Variants in LRRTM4 observed in about 807,000 individuals in gnomAD.
LRRTM4 encodes the protein leucine-rich repeat transmembrane neuronal protein 4.
LRRTM4 carries 25 observed loss-of-function variants against 47.6 expected under a neutral mutation model. That is an observed-to-expected ratio of 0.53 (90% CI 0.38 to 0.73). LRRTM4 has a LOEUF of 0.73. Ranked by LOEUF, LRRTM4 falls within the 30% of genes least tolerant of loss-of-function variation. The pLI is 0.00. For synonymous variants in LRRTM4, 311 were observed against 269.5 expected, an observed-to-expected ratio of 1.15 and a Z score of -1.51; for missense variants, 638 against 713.4, an observed-to-expected ratio of 0.89 and a Z score of 1.20.
At chr2:76,779,066 T>C (rs371821625) in intron 3 of LRRTM4, among the ~76,000 whole-genome samples, 221 of 136,744 alleles carry the variant, frequency 1.6e-3, no homozygotes, top group Non-Finnish European at 2.8e-3. Context: ...TGTAGTTGAG[T>C]GGTTTTGAGT....
At chr2:76,802,572 C>T (rs1200030354) in intron 3 of LRRTM4, among the ~76,000 whole-genome samples, 1 of 152,024 alleles carries the variant, frequency 6.6e-6, no homozygotes, top group Non-Finnish European at 1.5e-5. Flanking sequence ...TCCCTATCAA[C>T]ATTCCAATGG....
At chr2:76,789,019 T>G (rs142509025) in intron 3 of LRRTM4, among the ~76,000 whole-genome samples, 1 of 152,154 alleles carries the variant, frequency 6.6e-6, no homozygotes, top group African/African-American at 2.4e-5. Flanking sequence ...AGCTAATGCT[T>G]GGCACCCTGC....
intron 3 of LRRTM4, among the ~76,000 whole-genome samples, chr2:77,088,591 A>G (rs58720566): frequency 0.029 from 4,487 of 152,186 alleles, 211 homozygotes; most frequent in African/African-American, 0.1. Context: ...TTTCGGACTC[A>G]GCCCGCCTGC....
rs545437091 is a variant in LRRTM4, at chr2:77,347,157, T to C, written c.1551+171161A>G. Among the ~76,000 whole-genome samples, 7 of 152,260 alleles carry C rather than the reference T, an allele frequency of 4.6e-5. No homozygotes were observed. In the South Asian group the frequency reaches 1.0e-3, roughly 22 times the overall value. ...CCTTGACAAAAGACCGTAACTCCTA[T>C]CAAGTGGCTAAACCTTAAAGCGATA... On this transcript the variant is annotated intron_variant, in intron 3 of 3. Coordinates refer to ENST00000409884, the MANE Select transcript of LRRTM4 (RefSeq NM_001134745.3).
At chr2:76,805,169 A>G (rs933498598) in intron 3 of LRRTM4, among the ~76,000 whole-genome samples, 11 of 152,204 alleles carry the variant, frequency 7.2e-5, no homozygotes, top group African/African-American at 2.7e-4. Flanking sequence ...TGGATGGTCT[A>G]TAATTTTAAT....
At chr2:77,269,184 G>C (rs1374489991) in intron 3 of LRRTM4, among the ~76,000 whole-genome samples, 1 of 151,664 alleles carries the variant, frequency 6.6e-6, no homozygotes, top group African/African-American at 2.4e-5. Context: ...TTAATAAACT[G>C]GTATTTATTT....
At chr2:77,217,013 C>T (rs930831894) in intron 3 of LRRTM4, among the ~76,000 whole-genome samples, 38 of 147,146 alleles carry the variant, frequency 2.6e-4, no homozygotes, top group African/African-American at 9.1e-4. Flanking sequence ...GCAGAGGTTG[C>T]GGTGAGCCGA....
intron 3 of LRRTM4, among the ~76,000 whole-genome samples, chr2:77,387,545 C>CT (rs1199402647): frequency 2.6e-5 from 4 of 152,190 alleles, no homozygotes; most frequent in African/African-American, 9.6e-5. Flanking sequence ...AGTTGGCCTA[C>CT]TTTGCATTAC....
intron 3 of LRRTM4, among the ~76,000 whole-genome samples, chr2:76,768,672 G>A (rs1471752399): frequency 1.3e-5 from 2 of 151,892 alleles, no homozygotes; most frequent in African/African-American, 2.4e-5. Flanking sequence ...TCCTCTTATA[G>A]GTACAAATAT....
chr2:77,466,943 C>A (rs1199488358), intron 3 of LRRTM4, among the ~76,000 whole-genome samples: 1 of 152,010 alleles, frequency 6.6e-6, no homozygotes, highest in East Asian at 1.9e-4. Flanking sequence ...AAGTGATCCA[C>A]CTGCCTTAGC....
At position 76,998,772 on chromosome 2, in the gene LRRTM4, T is replaced by G. The variant is rs538044625; in HGVS notation, c.1552-249856A>C. Among the ~76,000 whole-genome samples the G allele has an allele frequency of 1.5e-4, 22 of 151,540 alleles. No individual in the cohort carries two copies. The South Asian group carries it at 4.2e-3, about 29-fold the overall frequency. ...CAGTTTTTCCTCTATATTTTCTGTT[T>G]TTTTTTTTTTTCCTTAACATCAGGC... is the stretch of plus-strand genomic sequence containing the variant. On this transcript the variant is annotated intron_variant, in intron 3 of 3. Transcript: ENST00000409884.
chr2:77,057,753 CAAG>C (rs1322147082), intron 3 of LRRTM4, among the ~76,000 whole-genome samples: 1 of 152,048 alleles, frequency 6.6e-6, no homozygotes, highest in Non-Finnish European at 1.5e-5. Flanking sequence ...CACCTAGAGT[CAAG>C]AAGAACTGAG....
chr2:77,161,139 C>T (rs974693292), intron 3 of LRRTM4, among the ~76,000 whole-genome samples: 11 of 152,130 alleles, frequency 7.2e-5, no homozygotes, highest in African/African-American at 9.7e-5. Context: ...CATAGTTAAA[C>T]GATAACCCAG....
At chr2:77,086,698 C>G (rs1012004460) in intron 3 of LRRTM4, among the ~76,000 whole-genome samples, 3 of 151,886 alleles carry the variant, frequency 2.0e-5, no homozygotes, top group Non-Finnish European at 4.4e-5. Flanking sequence ...TTTCACCACA[C>G]TGGCCAGGCT....
intron 3 of LRRTM4, among the ~76,000 whole-genome samples, chr2:77,290,719 A>G (rs370153182): frequency 6.6e-6 from 1 of 151,942 alleles, no homozygotes; most frequent in South Asian, 2.1e-4. Flanking sequence ...ATTAAGTCCA[A>G]CCTCTAGGAT....
At chr2:77,165,247 C>T (rs1482041632) in intron 3 of LRRTM4, among the ~76,000 whole-genome samples, 3 of 152,262 alleles carry the variant, frequency 2.0e-5, no homozygotes, top group South Asian at 2.1e-4. Flanking sequence ...CACACACCCT[C>T]CCAAGACTAA....
intron 3 of LRRTM4, among the ~76,000 whole-genome samples, chr2:77,121,104 G>C (rs945326619): frequency 6.6e-6 from 1 of 151,800 alleles, no homozygotes; most frequent in African/African-American, 2.4e-5. Context: ...CTCATGTCTA[G>C]ATAAAAGAAT....
chr2:77,461,164 AG>A (rs1676773484), intron 3 of LRRTM4, among the ~76,000 whole-genome samples: 1 of 151,522 alleles, frequency 6.6e-6, no homozygotes, highest in Non-Finnish European at 1.5e-5. Context: ...AGAGAGAGAG[AG>A]AGAGTTCTAT....
chr2:77,497,643 A>C (rs993885770), intron 3 of LRRTM4, among the ~76,000 whole-genome samples: 1 of 151,162 alleles, frequency 6.6e-6, no homozygotes, highest in Non-Finnish European at 1.5e-5. Flanking sequence ...ACACATATAC[A>C]TGCATATACA....
Sources: gnomAD v4.1 joint callset for allele counts (sites outside exome capture counted in the v4.1 genomes callset) on GRCh38, gnomAD v4.1.1 for gene constraint, MANE v1.5 for transcripts, NCBI Gene and HGNC (gene_info 2026-07-23, HGNC 2026-07-21) for gene names.